Variants in GPR55 observed in about 807,000 individuals in gnomAD.
The protein encoded by GPR55 is G-protein coupled receptor 55.
Under a neutral mutation model 7.9 loss-of-function variants are expected in GPR55, and 6 were observed. That is an observed-to-expected ratio of 0.76 (90% CI 0.41 to 1.49). GPR55 has a LOEUF of 1.49. GPR55 is among the 40% of genes most tolerant of loss of function. The probability of loss-of-function intolerance (pLI) is 0.01; values close to 1 mark genes in which losing one functional copy is unlikely to be tolerated. For synonymous variants in GPR55, 183 were observed against 166.8 expected, an observed-to-expected ratio of 1.10 and a Z score of -0.75; for missense variants, 376 against 406.0, an observed-to-expected ratio of 0.93 and a Z score of 0.63.
chr2:230,930,175 T>C (rs114114548), upstream of GPR55, among the ~76,000 whole-genome samples: 764 of 152,342 alleles, frequency 5.0e-3, 10 homozygotes, highest in African/African-American at 0.017. Context: ...TCACAGCTAC[T>C]GAGCTACACT....
chr2:230,937,078 T>C (rs1422343886), intron 1 of GPR55, among the ~76,000 whole-genome samples: 4 of 152,056 alleles, frequency 2.6e-5, no homozygotes, highest in African/African-American at 7.3e-5. Flanking sequence ...TGATTTTCAG[T>C]TGGGCTGTAC....
rs187359826 is a variant in GPR55 at position 230,942,210 on chromosome 2, G to T, written c.-135+18565C>A. Among the ~76,000 whole-genome samples the T allele has an allele frequency of 1.4e-3, 213 of 152,308 alleles. 1 individual carries two copies. Among genetic ancestry groups the T allele is most frequent in the African/African-American group, 4.9e-3 (205 of 41,566 alleles). On this transcript the variant is annotated intron_variant, in intron 1 of 1. Coordinates refer to the GPR55 transcript ENST00000392039. ...GCCACCCCCACACTCACACTCCAGG[G>T]CTGGGCAGACCCCTGAGAATGCCAG...
upstream of GPR55, among the ~76,000 whole-genome samples, chr2:230,927,348 G>T (rs911826689): frequency 6.6e-6 from 1 of 152,118 alleles, no homozygotes; most frequent in Non-Finnish European, 1.5e-5. Context: ...GTATATGGGG[G>T]ATCCCTTGCC....
chr2:230,914,261 G>T (rs1396419367), intron 1 of GPR55, among the ~76,000 whole-genome samples: 1 of 152,194 alleles, frequency 6.6e-6, no homozygotes, highest in South Asian at 2.1e-4. Flanking sequence ...ACAGTAGCAG[G>T]TATATTCATA....
In GPR55 at chr2:230,909,827, G is replaced by A. The variant is rs1455879053; in HGVS notation, c.*176C>T. The A allele has an allele frequency of 3.1e-6, 2 of 645,642 alleles. No homozygotes were observed. The highest frequency in any genetic ancestry group is 5.3e-6 in the Non-Finnish European group (2 of 374,156). 40.0% of individuals were successfully genotyped at this position (645,642 alleles called of 1,614,324 possible). ...CTGGGTGGTATAAGCTGTCTGGGCAGTGGAAAAAAGGTCTTTGGGGTATAA... is the reference window on the plus strand; with the variant it reads ...CTGGGTGGTATAAGCTGTCTGGGCAATGGAAAAAAGGTCTTTGGGGTATAA... On this transcript the variant is annotated 3_prime_UTR_variant, in exon 2 of 2. Transcript: ENST00000650999.
chr2:230,908,667 C>T lies in GPR55; in HGVS notation c.*1336G>A, dbSNP rs986234846. 1 of 152,638 alleles carries T rather than the reference C, an allele frequency of 6.6e-6. No individual in the cohort carries two copies. Among genetic ancestry groups the T allele is most frequent in the Non-Finnish European group, 1.5e-5 (1 of 68,304 alleles). 9.5% of individuals were successfully genotyped at this position (152,638 alleles called of 1,614,324 possible). ...GTTGCTTTTCCTCCTGAAGACCTTG[C>T]TCACATGAAGTCTCATCAGTTACTC... is the stretch of plus-strand genomic sequence containing the variant. On this transcript the variant is annotated 3_prime_UTR_variant, in exon 2 of 2. Transcript: ENST00000650999.
intron 1 of GPR55, among the ~76,000 whole-genome samples, chr2:230,951,280 G>A (rs1283039150): frequency 2.6e-5 from 4 of 152,126 alleles, no homozygotes; most frequent in Admixed American, 6.5e-5. Flanking sequence ...GCTGCTGTCC[G>A]CGGCTTAGTG....
At chr2:230,951,604 C>A (rs567355136) in intron 1 of GPR55, among the ~76,000 whole-genome samples, 1 of 152,228 alleles carries the variant, frequency 6.6e-6, no homozygotes, top group African/African-American at 2.4e-5. Context: ...TACCCTTTGA[C>A]CCAGAGGAGT....
At position 230,923,554 on chromosome 2, in the gene GPR55, C is replaced by T. The variant is rs549970131; in HGVS notation, c.-135+1614G>A. Among the ~76,000 whole-genome samples, 1 of 151,742 alleles carries T rather than the reference C, an allele frequency of 6.6e-6. No individual in the cohort carries two copies. Among genetic ancestry groups the T allele is most frequent in the Non-Finnish European group, 1.5e-5 (1 of 67,900 alleles). ...AACAGGACACAGAGGGGACAGAGCACATGACCACAATCTCCCCAATGCCTG... is the reference window on the plus strand; with the variant it reads ...AACAGGACACAGAGGGGACAGAGCATATGACCACAATCTCCCCAATGCCTG... On this transcript the variant is annotated intron_variant, in intron 1 of 1. Transcript: ENST00000650999. The surrounding 1 kb of genome is among the most constrained non-coding windows in gnomAD (Gnocchi z 4.1).
intron 1 of GPR55, chr2:230,957,884 A>C: frequency 1.8e-6 from 1 of 547,012 alleles, no homozygotes; most frequent in East Asian, 5.2e-5. Context: ...GGAATTAAAA[A>C]TAAGATATTA....
intron 1 of GPR55, among the ~76,000 whole-genome samples, chr2:230,920,477 T>A (rs909043807): frequency 2.0e-5 from 3 of 152,046 alleles, no homozygotes; most frequent in Admixed American, 2.0e-4. Context: ...AAGAACCTGA[T>A]TCATGATTTT....
chr2:230,946,216 G>A (rs1038065530), intron 1 of GPR55, among the ~76,000 whole-genome samples: 1 of 152,202 alleles, frequency 6.6e-6, no homozygotes, highest in African/African-American at 2.4e-5. Context: ...GGAGGGCTAG[G>A]GAGGGTGTGG....
chr2:230,913,064 T>C (rs1690629403), intron 1 of GPR55, among the ~76,000 whole-genome samples: 1 of 152,224 alleles, frequency 6.6e-6, no homozygotes, highest in Non-Finnish European at 1.5e-5. Context: ...CGCTCATCAA[T>C]GTTTCTTGGA....
At chr2:230,956,289 C>T (rs1010771957) in intron 1 of GPR55, among the ~76,000 whole-genome samples, 19 of 151,990 alleles carry the variant, frequency 1.3e-4, no homozygotes, top group African/African-American at 4.4e-4. Flanking sequence ...CCCAGCCTCC[C>T]GAGTACCTGG....
In GPR55 at chr2:230,924,325, T is replaced by A. The variant is rs930941687; in HGVS notation, c.-135+843A>T. 4.6e-5 allele frequency among the ~76,000 whole-genome samples: 7 copies of A among 152,114 alleles called. No individual in the cohort carries two copies. The highest frequency in any genetic ancestry group is 1.3e-4 in the Admixed American group (2 of 15,268). Reference sequence around the variant, plus strand: ...CCTTCCACAGAGCTGTGGGCGGCACTTTGCCCTGCCCTGTCCTCTCATCCC... The same window carrying A: ...CCTTCCACAGAGCTGTGGGCGGCACATTGCCCTGCCCTGTCCTCTCATCCC... On this transcript the variant is annotated intron_variant, in intron 1 of 1. Coordinates refer to ENST00000650999, the MANE Select transcript of GPR55 (RefSeq NM_005683.4). This position sits in a 1 kb window ranked among gnomAD's most constrained non-coding sequence, Gnocchi z 4.5.
intron 1 of GPR55, among the ~76,000 whole-genome samples, chr2:230,940,489 G>T (rs569596554): frequency 6.6e-6 from 1 of 152,310 alleles, no homozygotes; most frequent in African/African-American, 2.4e-5. Flanking sequence ...TATCAAGACT[G>T]AGAAGTCTGC....
rs571529560 is a variant in GPR55 at position 230,936,428 on chromosome 2, C to T, written c.-135+24347G>A. On this transcript the variant is annotated intron_variant, in intron 1 of 1. Coordinates refer to the GPR55 transcript ENST00000392039. ...TGATGGTTTTATAAGGGGCTTTCCTCGCTTTGCTTGGCACTTCTCTTATGA... is the reference window on the plus strand; with the variant it reads ...TGATGGTTTTATAAGGGGCTTTCCTTGCTTTGCTTGGCACTTCTCTTATGA... 1.6e-4 allele frequency among the ~76,000 whole-genome samples: 24 copies of T among 152,260 alleles called. No homozygotes were observed. In the South Asian group the frequency reaches 4.4e-3, roughly 28 times the overall value.
In GPR55 at chr2:230,936,407, G is replaced by A. The variant is rs528574911; in HGVS notation, c.-135+24368C>T. ...TGAGTGAGTTCTCATGAGATCTGAT[G>A]GTTTTATAAGGGGCTTTCCTCGCTT... is the stretch of plus-strand genomic sequence containing the variant. On this transcript the variant is annotated intron_variant, in intron 1 of 1. Transcript: ENST00000392039. Among the ~76,000 whole-genome samples, 30 of 152,232 alleles carry A rather than the reference G, an allele frequency of 2.0e-4. No individual in the cohort carries two copies. In the South Asian group the frequency reaches 4.4e-3, roughly 22 times the overall value.
chr2:230,910,049 G>A lies in GPR55; in HGVS notation c.914C>T (p.Ser305Phe). The A allele has an allele frequency of 6.2e-7, 1 of 1,614,124 alleles. No individual in the cohort carries two copies. Among genetic ancestry groups the A allele is most frequent in the Non-Finnish European group, 8.5e-7 (1 of 1,180,000 alleles). The change falls in exon 2 of 2, where the codon TCC becomes TTC. Residue 305 changes from serine (S) to phenylalanine (F), a missense_variant. By Grantham distance (155) the Ser-to-Phe change is radical (BLOSUM62 -2). Coordinates refer to ENST00000650999, the MANE Select transcript of GPR55 (RefSeq NM_005683.4). This position sits in a 1 kb window ranked among gnomAD's most constrained non-coding sequence, Gnocchi z 5.4. ...GTCCTGCAGGACCAGCTGGACCCTG[G>A]AAGGCCGGTGGGCCCTGATGTTCAT... ...FRMNIRAHRP[S>F]RVQLVLQDTT...
Sources: allele counts gnomAD v4.1 joint callset (sites outside exome capture counted in the v4.1 genomes callset), GRCh38; gene constraint gnomAD v4.1.1; non-coding constraint Gnocchi (gnomAD v3.1); transcripts MANE v1.5; gene names NCBI Gene and HGNC (gene_info 2026-07-23, HGNC 2026-07-21).